The following CCDC178 variants were observed in gnomAD, a reference collection of about 807,000 sequenced individuals.
CCDC178 encodes coiled-coil domain containing 178, also known as coiled-coil domain-containing protein 178.
A neutral mutation model predicts 117.4 loss-of-function variants in CCDC178; 126 were observed. The observed-to-expected ratio is 1.07, with a 90% CI of 0.93 to 1.24. The LOEUF (loss-of-function observed/expected upper bound fraction) is 1.24, where lower values mean the gene tolerates loss of function less well. CCDC178 is among the 50% of genes most tolerant of loss of function. The pLI is 0.00. For synonymous variants in CCDC178, 283 were observed against 313.4 expected (o/e 0.90, Z 1.02); for missense variants, 1,030 against 986.9 (o/e 1.04, Z -0.59).
At chr18:33,248,880 C>T (rs950431661) in intron 14 of CCDC178, among the ~76,000 whole-genome samples, 7 of 152,008 alleles carry the variant, frequency 4.6e-5, no homozygotes, top group Non-Finnish European at 1.0e-4. Flanking sequence ...TACAGTCCCA[C>T]CAACAGTGTA....
intron 21 of CCDC178, among the ~76,000 whole-genome samples, chr18:33,074,200 T>C (rs886395101): frequency 6.6e-6 from 1 of 151,758 alleles, no homozygotes; most frequent in African/African-American, 2.4e-5. Context: ...ATATATATAA[T>C]GTAATATATA....
rs115862962 is a variant in CCDC178, at chr18:33,238,993, C to A, written c.1593+6252G>T. ...GTATATTTAAAAGGCTTAAAAAAAA[C>A]CCCTGCCAGCCAAGAATATTCTATC... On this transcript the variant is annotated intron_variant, in intron 15 of 22. Transcript: ENST00000383096. Among the ~76,000 whole-genome samples, 1,136 of 152,106 alleles carry A rather than the reference C, an allele frequency of 7.5e-3. 9 individuals carry two copies. Among genetic ancestry groups the A allele is most frequent in the African/African-American group, 0.026 (1,062 of 41,530 alleles).
chr18:33,034,584 T>C (rs2056407234), intron 21 of CCDC178, among the ~76,000 whole-genome samples: 1 of 152,072 alleles, frequency 6.6e-6, no homozygotes. Context: ...GGCTAGTCAT[T>C]CAAGGCTTGG....
At position 32,974,645 on chromosome 18, in the gene CCDC178, G is replaced by A. The variant is rs376925410; in HGVS notation, c.2425C>T (p.Gln809Ter). Residue 809 changes from glutamine to a stop codon, truncating the protein, a stop_gained, in exon 22 of 23, where the codon CAG becomes TAG. Coordinates refer to ENST00000383096, the MANE Select transcript of CCDC178 (RefSeq NM_001105528.4). LOFTEE classifies it high-confidence loss of function. ...QLQRRMHTLW[Q>*]EHFKLVVLFS... ...AGGACCACCAGTTTGAAGTGCTCCT[G>A]CCACAGTGTGTGCATCCTTCTCTGC... 2.5e-6 allele frequency: 4 copies of A among 1,613,230 alleles called. No homozygotes were observed. The highest frequency in any genetic ancestry group is 3.4e-6 in the Non-Finnish European group (4 of 1,179,752).
intron 12 of CCDC178, among the ~76,000 whole-genome samples, chr18:33,286,013 A>T: frequency 7.4e-6 from 1 of 134,440 alleles, no homozygotes. Context: ...TCACTCTGTC[A>T]CCCAGGCTGG....
intron 20 of CCDC178, among the ~76,000 whole-genome samples, chr18:33,185,100 T>C (rs1414118898): frequency 6.6e-6 from 1 of 151,714 alleles, no homozygotes; most frequent in Non-Finnish European, 1.5e-5. Flanking sequence ...AATGTGGGGG[T>C]GTGACTCCTT....
chr18:32,994,349 T>C (rs1283199049), intron 21 of CCDC178, among the ~76,000 whole-genome samples: 3 of 152,212 alleles, frequency 2.0e-5, no homozygotes, highest in Non-Finnish European at 4.4e-5. Context: ...ACTGGGATAA[T>C]GCAGAGACAA....
At chr18:32,984,384 TATA>T (rs2055219184) in intron 21 of CCDC178, among the ~76,000 whole-genome samples, 1 of 151,954 alleles carries the variant, frequency 6.6e-6, no homozygotes, top group Non-Finnish European at 1.5e-5. Context: ...TTGTATACTT[TATA>T]ATGATAATAC....
In CCDC178 at chr18:32,937,825, C is replaced by T. The variant is rs2054152192; in HGVS notation, c.*186G>A. On this transcript the variant is annotated 3_prime_UTR_variant, in exon 23 of 23. Coordinates refer to ENST00000383096, the MANE Select transcript of CCDC178 (RefSeq NM_001105528.4). ...TCGTTCCTGACAGCAGCATGAAAGTCACCTGTTTCATTGTTATGGATTTGC... is the reference window on the plus strand; with the variant it reads ...TCGTTCCTGACAGCAGCATGAAAGTTACCTGTTTCATTGTTATGGATTTGC... The T allele has an allele frequency of 1.8e-6, 1 of 561,932 alleles. No individual in the cohort carries two copies. Among genetic ancestry groups the T allele is most frequent in the Non-Finnish European group, 3.2e-6 (1 of 313,604 alleles). 34.8% of individuals were successfully genotyped at this position (561,932 alleles called of 1,614,324 possible).
At chr18:33,023,984 T>C (rs1237189363) in intron 21 of CCDC178, among the ~76,000 whole-genome samples, 1 of 152,168 alleles carries the variant, frequency 6.6e-6, no homozygotes, top group Non-Finnish European at 1.5e-5. Flanking sequence ...AATATAACTT[T>C]GGCAACTTCG....
intron 21 of CCDC178, among the ~76,000 whole-genome samples, chr18:32,988,281 C>G (rs775659008): frequency 6.6e-5 from 10 of 151,552 alleles, no homozygotes; most frequent in Non-Finnish European, 1.5e-4. Context: ...GTTATAAATA[C>G]AAAAATTATT....
At chr18:33,385,800 G>A (rs1241575611) in intron 5 of CCDC178, among the ~76,000 whole-genome samples, 1 of 152,056 alleles carries the variant, frequency 6.6e-6, no homozygotes, top group Non-Finnish European at 1.5e-5. Context: ...AAATGAACTA[G>A]AGAACAAAGA....
chr18:33,276,201 C>A (rs2059949035), intron 12 of CCDC178, among the ~76,000 whole-genome samples: 2 of 151,920 alleles, frequency 1.3e-5, no homozygotes, highest in Admixed American at 6.6e-5. Flanking sequence ...TAGAAATTCA[C>A]AAAATAAATG....
At chr18:33,074,130 T>C (rs1444076471) in intron 21 of CCDC178, among the ~76,000 whole-genome samples, 2 of 152,018 alleles carry the variant, frequency 1.3e-5, no homozygotes, top group East Asian at 3.8e-4. Context: ...GTGGGTTTTA[T>C]CCTGAATATA....
intron 21 of CCDC178, among the ~76,000 whole-genome samples, chr18:33,009,057 T>G (rs1219048160): frequency 6.6e-6 from 1 of 152,110 alleles, no homozygotes; most frequent in Non-Finnish European, 1.5e-5. Flanking sequence ...CATTCTTCAC[T>G]CCTCTATTTT....
chr18:33,248,825 G>C (rs1208360322), intron 14 of CCDC178, among the ~76,000 whole-genome samples: 3 of 152,012 alleles, frequency 2.0e-5, no homozygotes, highest in South Asian at 2.1e-4. Context: ...AGTTCTAGAT[G>C]CTTGAGGAAT....
chr18:33,213,397 C>T (rs2059129418), intron 19 of CCDC178, among the ~76,000 whole-genome samples: 1 of 151,916 alleles, frequency 6.6e-6, no homozygotes, highest in Non-Finnish European at 1.5e-5. Context: ...TTTTCCTCTA[C>T]ATCATTCATA....
chr18:33,284,792 G>A (rs534718307), intron 12 of CCDC178, among the ~76,000 whole-genome samples: 8 of 152,214 alleles, frequency 5.3e-5, no homozygotes, highest in Admixed American at 2.6e-4. Context: ...GGCAGATCCC[G>A]ACTGGAATAA....
intron 21 of CCDC178, among the ~76,000 whole-genome samples, chr18:33,006,215 A>G (rs567712631): frequency 6.6e-6 from 1 of 152,132 alleles, no homozygotes; most frequent in South Asian, 2.1e-4. Context: ...TTATTTCACA[A>G]CTCAGAATGC....
Sources: gnomAD v4.1 joint callset for allele counts (sites outside exome capture counted in the v4.1 genomes callset) on GRCh38, gnomAD v4.1.1 for gene constraint, MANE v1.5 for transcripts, NCBI Gene and HGNC (gene_info 2026-07-23, HGNC 2026-07-21) for gene names.